Variants in NFE2L2 observed in about 807,000 individuals in gnomAD.
The protein encoded by NFE2L2 is nuclear factor erythroid 2-related factor 2.
Under a neutral mutation model 49.6 loss-of-function variants are expected in NFE2L2, and 20 were observed. The observed-to-expected ratio is 0.40, with a 90% CI of 0.28 to 0.59. The LOEUF is 0.59. Among genes scored for constraint, NFE2L2 ranks in the 20% least tolerant of loss-of-function variants. The pLI is 0.40. For synonymous variants in NFE2L2, 244 were observed against 256.5 expected (o/e 0.95, Z 0.47); for missense variants, 578 against 714.2 (o/e 0.81, Z 2.17).
At chr2:177,239,961 A>C (rs1007842678) in intron 1 of NFE2L2, among the ~76,000 whole-genome samples, 6 of 152,076 alleles carry the variant, frequency 3.9e-5, no homozygotes, top group East Asian at 1.9e-4. Flanking sequence ...AAAAAAAAAA[A>C]AAAAAAACAG....
intron 1 of NFE2L2, among the ~76,000 whole-genome samples, chr2:177,256,266 T>G (rs1272745480): frequency 1.3e-5 from 2 of 152,132 alleles, no homozygotes; most frequent in African/African-American, 4.8e-5. Context: ...CTTCCCTCTA[T>G]TCTAGTCCCT....
At position 177,231,598 on chromosome 2, in the gene NFE2L2, G is replaced by A. The variant is rs773717498; in HGVS notation, c.1005C>T (p.Ser335=). ...AGTCAGAATCATTGAATTCTGCTGTGCTTTCAGGGTGGTTTTGGTTGAAAG... is the reference window on the plus strand; with the variant it reads ...AGTCAGAATCATTGAATTCTGCTGTACTTTCAGGGTGGTTTTGGTTGAAAG... ...CKAFNQNHPE[S]TAEFNDSDSG... is the part of the protein sequence containing the mutation. The change falls in exon 5 of 5, where the codon AGC becomes AGT. Residue 335 remains serine, a synonymous_variant. Coordinates refer to ENST00000397062, the MANE Select transcript of NFE2L2 (RefSeq NM_006164.5). The A allele has an allele frequency of 1.2e-6, 2 of 1,614,196 alleles. No homozygotes were observed. The highest frequency in any genetic ancestry group is 2.2e-5 in the South Asian group (2 of 91,082).
chr2:177,234,015 T>A lies in NFE2L2; in HGVS notation c.302A>T (p.Asn101Ile), dbSNP rs371831443. The change falls in exon 2 of 5, where the codon AAC (asparagine) becomes ATC (isoleucine). Residue 101 changes from asparagine to isoleucine, a missense_variant. Around this residue, in one of 3 missense-constraint regions of NFE2L2, gnomAD observed 93 missense variants for 153.9 expected, o/e 0.60. Transcript: ENST00000397062. ...HIQSETSGSANYSQVAHIPKS... is the reference protein window; with the variant it reads ...HIQSETSGSAIYSQVAHIPKS... ...CTGAGTACTCTGTACCTGGGAGTAG[T>A]TGGCAGATCCACTGGTTTCTGACTG... is the stretch of plus-strand genomic sequence containing the variant. 1.2e-6 allele frequency: 2 copies of A among 1,614,234 alleles called. No individual in the cohort carries two copies. Among genetic ancestry groups the A allele is most frequent in the Non-Finnish European group, 1.7e-6 (2 of 1,180,040 alleles).
Position 177,231,394 on chromosome 2 carries a change from C to A in NFE2L2, c.1209G>T (p.Met403Ile), listed in dbSNP as rs1288066261. The A allele has an allele frequency of 1.1e-5, 17 of 1,614,248 alleles. No homozygotes were observed. The highest frequency in any genetic ancestry group is 1.4e-5 in the Non-Finnish European group (17 of 1,180,046). The change falls in exon 5 of 5, where the codon ATG becomes ATT. Residue 403 changes from methionine to isoleucine, a missense_variant. By Grantham distance (10) the Met-to-Ile change is conservative. Coordinates refer to ENST00000397062, the MANE Select transcript of NFE2L2 (RefSeq NM_006164.5). Reference sequence around the variant, plus strand: ...CCTGAGATGGTGACAAGGGTTGTACCATATCCCCAGAAGAATGTACTGGTG... The same window carrying A: ...CCTGAGATGGTGACAAGGGTTGTACAATATCCCCAGAAGAATGTACTGGTG... ...PKTPVHSSGD[M>I]VQPLSPSQGQ... is the part of the protein sequence containing the mutation.
intron 1 of NFE2L2, chr2:177,263,674 A>G: frequency 1.0e-6 from 1 of 985,466 alleles, no homozygotes; most frequent in Non-Finnish European, 1.2e-6. Context: ...ACCGCGTCCG[A>G]ACTAGAAGCC....
intron 1 of NFE2L2, among the ~76,000 whole-genome samples, chr2:177,237,051 C>T (rs989687085): frequency 1.3e-5 from 2 of 151,970 alleles, no homozygotes; most frequent in Non-Finnish European, 2.9e-5. Flanking sequence ...GTAGAGATGG[C>T]GTCTTGCCAT....
intron 1 of NFE2L2, chr2:177,263,365 A>G: frequency 1.0e-6 from 1 of 985,474 alleles, no homozygotes; most frequent in East Asian, 1.1e-4. Context: ...AACAGACTAA[A>G]AGCAACAGAA....
At chr2:177,244,765 G>C (rs1311789275) in intron 1 of NFE2L2, among the ~76,000 whole-genome samples, 2 of 152,108 alleles carry the variant, frequency 1.3e-5, no homozygotes, top group Admixed American at 1.3e-4. Context: ...CCAGCACTTT[G>C]GGAGGCCGAG....
chr2:177,230,685 T>A lies in NFE2L2; in HGVS notation c.*100A>T. The stretch of plus-strand genomic sequence containing the variant: ...TACTAGTTTTGGCTATGATTTTGCA[T>A]AGAATTACTTATAAAGTATGAGCAT... On this transcript the variant is annotated 3_prime_UTR_variant, in exon 5 of 5. Transcript: ENST00000397062. The A allele has an allele frequency of 1.5e-6, 2 of 1,345,238 alleles. No homozygotes were observed. Among genetic ancestry groups the A allele is most frequent in the Non-Finnish European group, 2.0e-6 (2 of 1,011,354 alleles). The allele number at this position is 1,345,238 out of a possible 1,614,324, so 83.3% of individuals were successfully genotyped here. A position where few individuals can be genotyped will look rare whatever the true frequency, so the allele number is the denominator to read the frequency against.
intron 1 of NFE2L2, among the ~76,000 whole-genome samples, chr2:177,235,094 G>A (rs1454313120): frequency 6.6e-6 from 1 of 151,284 alleles, no homozygotes; most frequent in East Asian, 1.9e-4. Context: ...TCCAGCCTGG[G>A]CAACAGAGCA....
chr2:177,246,804 G>T (rs1381933471), intron 1 of NFE2L2, among the ~76,000 whole-genome samples: 5 of 147,426 alleles, frequency 3.4e-5, no homozygotes, highest in Non-Finnish European at 1.5e-5. Flanking sequence ...TACAGACAGG[G>T]TCTCACTATG....
At chr2:177,233,965 A>C (rs1188036432) in intron 2 of NFE2L2, 40 bp downstream of exon 2, 1 of 1,609,662 alleles carries the variant, frequency 6.2e-7, no homozygotes, top group Admixed American at 1.7e-5. Context: ...GTGTTTCCTT[A>C]AACCTGCCAT....
intron 1 of NFE2L2, among the ~76,000 whole-genome samples, chr2:177,253,982 A>T (rs1403299359): frequency 6.6e-6 from 1 of 152,186 alleles, no homozygotes; most frequent in Non-Finnish European, 1.5e-5. Context: ...AAGGATGAGA[A>T]GTGGGCAAAC....
intron 1 of NFE2L2, among the ~76,000 whole-genome samples, chr2:177,252,244 T>C (rs115767871): frequency 2.6e-5 from 4 of 152,234 alleles, no homozygotes; most frequent in African/African-American, 4.8e-5. Flanking sequence ...ACAGGAAGAA[T>C]ACTCCTCACC....
chr2:177,259,007 C>A (rs1032991577), intron 1 of NFE2L2, among the ~76,000 whole-genome samples: 2 of 152,170 alleles, frequency 1.3e-5, no homozygotes, highest in African/African-American at 4.8e-5. Context: ...ATCAACAGAG[C>A]CTTTGAAAGA....
intron 4 of NFE2L2, 62 bp downstream of exon 4, chr2:177,232,330 C>G: frequency 6.9e-7 from 1 of 1,439,718 alleles, no homozygotes; most frequent in Non-Finnish European, 9.4e-7. Flanking sequence ...TATAAATAAT[C>G]AGAATGACTA....
intron 1 of NFE2L2, among the ~76,000 whole-genome samples, chr2:177,234,692 T>G (rs1689678551): frequency 6.6e-6 from 1 of 152,256 alleles, no homozygotes; most frequent in Non-Finnish European, 1.5e-5. Flanking sequence ...GAGTTTTCTT[T>G]AAACTTTGCT....
chr2:177,247,371 A>G (rs1372724569), intron 1 of NFE2L2, among the ~76,000 whole-genome samples: 1 of 152,068 alleles, frequency 6.6e-6, no homozygotes, highest in Non-Finnish European at 1.5e-5. Flanking sequence ...GGCCAAAGAA[A>G]GGAATAAAGG....
chr2:177,248,756 A>G (rs1962142), intron 1 of NFE2L2, among the ~76,000 whole-genome samples: 137,505 of 152,130 alleles, frequency 0.9, 62,258 homozygotes, highest in African/African-American at 0.94. Context: ...TCTCCAACCC[A>G]CAAGCTCTGA....
Sources: allele counts gnomAD v4.1 joint callset (sites outside exome capture counted in the v4.1 genomes callset), GRCh38; gene constraint gnomAD v4.1.1; regional missense constraint gnomAD v4.1.1; transcripts MANE v1.5; gene names NCBI Gene and HGNC (gene_info 2026-07-23, HGNC 2026-07-21).